CFAP46: variants seen among roughly 807,000 people sequenced by gnomAD.
The protein encoded by CFAP46 is cilia and flagella associated protein 46.
Under a neutral mutation model 325.7 loss-of-function variants are expected in CFAP46, and 245 were observed. That is an observed-to-expected ratio of 0.75 (90% CI 0.68 to 0.84). CFAP46 has a LOEUF of 0.84. Among genes scored for constraint, CFAP46 ranks in the 40% least tolerant of loss-of-function variants. The pLI, the probability that CFAP46 is intolerant of heterozygous loss-of-function variation, is 0.00. For missense variants in CFAP46, 3,346 were observed against 3,543.0 expected, an observed-to-expected ratio of 0.94 and a Z score of 1.41; for synonymous variants, 1,523 against 1,495.9, an observed-to-expected ratio of 1.02 and a Z score of -0.42.
Position 132,828,934 on chromosome 10 carries a change from G to T in CFAP46, c.7117+4424C>A, listed in dbSNP as rs1257971838. Among the ~76,000 whole-genome samples the T allele has an allele frequency of 6.6e-6, 1 of 152,078 alleles. No individual in the cohort carries two copies. The highest frequency in any genetic ancestry group is 2.4e-5 in the African/African-American group (1 of 41,368). On this transcript the variant is annotated intron_variant, in intron 50 of 57. Transcript: ENST00000368586. This position sits in a 1 kb window ranked among gnomAD's most constrained non-coding sequence, Gnocchi z 4.9. Reference sequence around the variant, plus strand: ...CCCGCCCCATCCCCTGGGTCTACACGGCTACCGTCACGCCTGCGCTCCACT... The same window carrying T: ...CCCGCCCCATCCCCTGGGTCTACACTGCTACCGTCACGCCTGCGCTCCACT...
chr10:132,893,720 G>C (rs543576566), intron 24 of CFAP46, among the ~76,000 whole-genome samples: 1 of 152,160 alleles, frequency 6.6e-6, no homozygotes, highest in East Asian at 1.9e-4. Context: ...TCTCCCGCTC[G>C]GCCTCTTCCC....
chr10:132,922,553 C>A lies in CFAP46; in HGVS notation c.1412G>T (p.Arg471Leu), dbSNP rs1017783281. The A allele has an allele frequency of 1.3e-6, 2 of 1,547,878 alleles. No homozygotes were observed. Among genetic ancestry groups the A allele is most frequent in the Non-Finnish European group, 8.7e-7 (1 of 1,146,778 alleles). The change falls in exon 12 of 58, where the codon CGG becomes CTG. Residue 471 changes from arginine (R) to leucine (L), a missense_variant. Coordinates refer to ENST00000368586, the MANE Select transcript of CFAP46 (RefSeq NM_001200049.3). Reference protein sequence around the residue: ...YRDRIQMASTRLRLCTTLYQA... With the variant: ...YRDRIQMASTLLRLCTTLYQA... The stretch of plus-strand genomic sequence containing the variant: ...GTATAGCGTGGTGCACAGACGCAGC[C>A]GGGTGGAGGCCATCTGGATCCTGTC...
Position 132,924,283 on chromosome 10 carries a change from G to A in CFAP46, c.1256+413C>T, listed in dbSNP as rs367853772. On this transcript the variant is annotated intron_variant, in intron 11 of 57. Transcript: ENST00000368586. The stretch of plus-strand genomic sequence containing the variant: ...CGTGATGCCTGCCGCCTGCTGCCAC[G>A]CTGGCCCCTGCATTCCTGTCACCCC... Among the ~76,000 whole-genome samples the A allele has an allele frequency of 7.9e-5, 12 of 151,856 alleles. No individual in the cohort carries two copies. The East Asian group carries it at 9.8e-4, about 12-fold the overall frequency.
chr10:132,857,459 G>T, intron 39 of CFAP46, 131 bp downstream of exon 39: 2 of 835,754 alleles, frequency 2.4e-6, no homozygotes, highest in Non-Finnish European at 1.9e-6. Context: ...TTCAGATGGG[G>T]GAGTATCTGA....
intron 50 of CFAP46, among the ~76,000 whole-genome samples, chr10:132,831,220 C>CTGTGTGTGTGTG (rs56965336): frequency 0.012 from 1,728 of 148,166 alleles, 17 homozygotes; most frequent in Middle Eastern, 0.024. Flanking sequence ...GTCAAATGTT[C>CTGTGTGTGTGTG]TGTGTGTGTG....
chr10:132,832,765 T>TCA lies in CFAP46; in HGVS notation c.7117+591_7117+592dup. 2.1e-6 allele frequency: 1 copy of TCA among 471,216 alleles called. No homozygotes were observed. The highest frequency in any genetic ancestry group is 1.5e-5 in the South Asian group (1 of 64,556). 29.2% of individuals were successfully genotyped at this position (471,216 alleles called of 1,614,324 possible). A position where few individuals can be genotyped will look rare whatever the true frequency, so the allele number is the denominator to read the frequency against. On this transcript the variant is annotated intron_variant, in intron 50 of 57. Transcript: ENST00000368586. The surrounding 1 kb of genome is among the most constrained non-coding windows in gnomAD (Gnocchi z 4.1). ...CATCACCCCCGAATCCCAGCCGAGG[T>TCA]CAGGGCCTTCCGCGCGCTCCCTCGT...
chr10:132,872,421 T>C, intron 32 of CFAP46: 1 of 440,412 alleles, frequency 2.3e-6, no homozygotes, highest in East Asian at 4.7e-5. Flanking sequence ...ACCTGGCTAA[T>C]ATATTTTTTA....
intron 50 of CFAP46, among the ~76,000 whole-genome samples, chr10:132,823,442 GTGC>G (rs1847937786): frequency 7.1e-6 from 1 of 140,684 alleles, no homozygotes; most frequent in African/African-American, 2.7e-5. Context: ...TGTGCTGTGT[GTGC>G]TGATGTGTGT....
At chr10:132,815,515 G>A (rs1847677748) in intron 50 of CFAP46, among the ~76,000 whole-genome samples, 1 of 152,244 alleles carries the variant, frequency 6.6e-6, no homozygotes. Flanking sequence ...TCAGGATGGG[G>A]CATTGCGTTT....
Position 132,922,570 on chromosome 10 carries a change from G to A in CFAP46, c.1395C>T (p.Ile465=). The change falls in exon 12 of 58, where the codon ATC becomes ATT. Residue 465 remains isoleucine (I), a synonymous_variant. Coordinates refer to ENST00000368586, the MANE Select transcript of CFAP46 (RefSeq NM_001200049.3). Reference sequence around the variant, plus strand: ...GACGCAGCCGGGTGGAGGCCATCTGGATCCTGTCCCGGTAGAGGCCCAGGC... The same window carrying A: ...GACGCAGCCGGGTGGAGGCCATCTGAATCCTGTCCCGGTAGAGGCCCAGGC... ...LDSLGLYRDR[I]QMASTRLRLC... 1 of 1,548,612 alleles carries A rather than the reference G, an allele frequency of 6.5e-7. No individual in the cohort carries two copies. Among genetic ancestry groups the A allele is most frequent in the Non-Finnish European group, 8.7e-7 (1 of 1,146,802 alleles).
At position 132,853,290 on chromosome 10, in the gene CFAP46, G is replaced by A. The variant is rs72855950; in HGVS notation, c.5575-1985C>T. Among the ~76,000 whole-genome samples, 470 of 152,264 alleles carry A rather than the reference G, an allele frequency of 3.1e-3. 1 individual carries two copies. Among genetic ancestry groups the A allele is most frequent in the Non-Finnish European group, 5.2e-3 (355 of 68,018 alleles). ...TTGAATTTTGTCAAATGCTTTTCCT[G>A]CATCCACAAAGATGATCATATGGTT... On this transcript the variant is annotated intron_variant, in intron 39 of 57. Transcript: ENST00000368586.
chr10:132,923,602 C>A (rs923674063), intron 11 of CFAP46, among the ~76,000 whole-genome samples: 9 of 151,980 alleles, frequency 5.9e-5, no homozygotes, highest in Non-Finnish European at 8.8e-5. Context: ...GTGCCCCGGA[C>A]CCCCGGCCTC....
Position 132,872,724 on chromosome 10 carries a change from G to A in CFAP46, c.4463C>T (p.Ser1488Leu), listed in dbSNP as rs181723916. Reference sequence around the variant, plus strand: ...GCCCTTGCTTCCCACCACGGAGTCCGAAATCAGCACCCCCAACTGCAGGAC... The same window carrying A: ...GCCCTTGCTTCCCACCACGGAGTCCAAAATCAGCACCCCCAACTGCAGGAC... Reference protein sequence around the residue: ...VPVLQLGVLISDSVVGSKGLS... With the variant: ...VPVLQLGVLILDSVVGSKGLS... The change falls in exon 32 of 58, where the codon TCG becomes TTG. Residue 1488 changes from serine to leucine, a missense_variant. By Grantham distance (145) the Ser-to-Leu change is moderately radical. Coordinates refer to ENST00000368586, the MANE Select transcript of CFAP46 (RefSeq NM_001200049.3). 40 of 1,550,760 alleles carry A rather than the reference G, an allele frequency of 2.6e-5. No homozygotes were observed. The East Asian group carries it at 5.9e-4, about 23-fold the overall frequency.
At chr10:132,904,731 T>A (rs1256861335) in intron 22 of CFAP46, among the ~76,000 whole-genome samples, 1 of 152,176 alleles carries the variant, frequency 6.6e-6, no homozygotes, top group Non-Finnish European at 1.5e-5. Context: ...TATGACGCTG[T>A]CTTTGTAGTT....
rs117989841 is a variant in CFAP46, at chr10:132,837,233, C to T, written c.6439-319G>A. On this transcript the variant is annotated intron_variant, in intron 44 of 57. Coordinates refer to ENST00000368586, the MANE Select transcript of CFAP46 (RefSeq NM_001200049.3). The stretch of plus-strand genomic sequence containing the variant: ...CCAAAATAACAAATGGAAAATTCTC[C>T]AGCGCCGCCTCTGTGAGTGGTGCCT... Among the ~76,000 whole-genome samples the T allele has an allele frequency of 4.7e-3, 715 of 152,356 alleles. 6 individuals carry two copies. The highest frequency in any genetic ancestry group is 0.01 in the Middle Eastern group (3 of 294).
chr10:132,899,749 G>C, intron 22 of CFAP46, 83 bp from the exon 23 acceptor site: 1 of 1,422,032 alleles, frequency 7.0e-7, no homozygotes, highest in Non-Finnish European at 9.4e-7. Flanking sequence ...CTTGAACTGT[G>C]GACTACACAG....
At position 132,928,764 on chromosome 10, in the gene CFAP46, C is replaced by G. The variant is rs997906364; in HGVS notation, c.966+941G>C. On this transcript the variant is annotated intron_variant, in intron 9 of 57. Transcript: ENST00000368586. ...GACACTCAGTTTGCTCAAAACCATC[C>G]CTGATAAACTGATCACATTTTCCCT... Among the ~76,000 whole-genome samples the G allele has an allele frequency of 2.0e-5, 3 of 152,198 alleles. No individual in the cohort carries two copies. In the East Asian group the frequency reaches 5.8e-4, roughly 29 times the overall value.
chr10:132,824,477 T>TGCTGTGTGC, intron 50 of CFAP46, among the ~76,000 whole-genome samples: 1 of 121,490 alleles, frequency 8.2e-6, no homozygotes, highest in Non-Finnish European at 1.7e-5. Flanking sequence ...GTGCTGTGTG[T>TGCTGTGTGC]GCTGTGTGCG....
At position 132,826,371 on chromosome 10, in the gene CFAP46, G is replaced by C. The variant is rs528421044; in HGVS notation, c.7117+6987C>G. Reference sequence around the variant, plus strand: ...GCCACAGAGACCAGCCACGGAGCCAGGCAGGAGCCAGAGCCACAGAGACCA... The same window carrying C: ...GCCACAGAGACCAGCCACGGAGCCACGCAGGAGCCAGAGCCACAGAGACCA... On this transcript the variant is annotated intron_variant, in intron 50 of 57. Transcript: ENST00000368586. 1.5e-3 allele frequency among the ~76,000 whole-genome samples: 216 copies of C among 140,220 alleles called. 2 individuals carry two copies. The highest frequency in any genetic ancestry group is 5.7e-3 in the African/African-American group (204 of 35,724). 92.0% of individuals were successfully genotyped at this position (140,220 alleles called of 152,430 possible). A position where few individuals can be genotyped will look rare whatever the true frequency, so the allele number is the denominator to read the frequency against.
Sources: gnomAD v4.1 joint callset for allele counts (sites outside exome capture counted in the v4.1 genomes callset) on GRCh38, gnomAD v4.1.1 for gene constraint, Gnocchi (gnomAD v3.1) non-coding constraint, MANE v1.5 for transcripts, NCBI Gene and HGNC (gene_info 2026-07-23, HGNC 2026-07-21) for gene names.